The following RPS6KC1 variants were observed in gnomAD, a reference collection of about 807,000 sequenced individuals.
RPS6KC1 encodes inactive ribosomal protein S6 kinase delta-1.
Under a neutral mutation model 103.8 loss-of-function variants are expected in RPS6KC1, and 54 were observed. The ratio of observed to expected loss-of-function variants is 0.52; its 90% CI spans 0.42 to 0.65. RPS6KC1 has a LOEUF of 0.65. Ranked by LOEUF, RPS6KC1 falls within the 30% of genes least tolerant of loss-of-function variation. The pLI, the probability that RPS6KC1 is intolerant of heterozygous loss-of-function variation, is 0.00. For synonymous variants in RPS6KC1, 439 were observed against 438.7 expected (o/e 1.00, Z -0.01); for missense variants, 1,151 against 1,253.8 (o/e 0.92, Z 1.24).
the RPS6KC1 span, among the ~76,000 whole-genome samples, chr1:213,699,449 A>AT: frequency 6.6e-6 from 1 of 152,100 alleles, no homozygotes; most frequent in African/African-American, 2.4e-5. Context: ...TTCTTTATCC[A>AT]TTCATCTGCT....
chr1:213,590,185 C>A, the RPS6KC1 span, among the ~76,000 whole-genome samples: 18 of 152,034 alleles, frequency 1.2e-4, no homozygotes, highest in Non-Finnish European at 2.6e-4. Context: ...GAAGAGCAAT[C>A]TGTTTATGCA....
chr1:213,843,114 T>C, the RPS6KC1 span, among the ~76,000 whole-genome samples: 1 of 152,192 alleles, frequency 6.6e-6, no homozygotes, highest in Non-Finnish European at 1.5e-5. Flanking sequence ...TTGCAGTCTC[T>C]AGACAGAATT....
intron 6 of RPS6KC1, among the ~76,000 whole-genome samples, chr1:213,167,579 A>G (rs770180816): frequency 1.3e-5 from 2 of 152,034 alleles, no homozygotes; most frequent in African/African-American, 2.4e-5. Context: ...AGAGCTTTTT[A>G]CAAATAGACA....
chr1:213,805,577 T>C, the RPS6KC1 span, among the ~76,000 whole-genome samples: 3 of 152,240 alleles, frequency 2.0e-5, no homozygotes, highest in Admixed American at 6.5e-5. Flanking sequence ...ATAATTATTC[T>C]AGTTTTCTTG....
At chr1:213,137,777 C>CTCTCTCTCTCTATATA (rs1387641875) in intron 6 of RPS6KC1, among the ~76,000 whole-genome samples, 1 of 63,590 alleles carries the variant, frequency 1.6e-5, no homozygotes, top group African/African-American at 1.1e-4. Flanking sequence ...CTCTCTCTCT[C>CTCTCTCTCTCTATATA]TATATATATA....
At chr1:213,829,268 CAAAAAAAAAA>C in the RPS6KC1 span, among the ~76,000 whole-genome samples, 4,661 of 114,390 alleles carry the variant, frequency 0.041, 284 homozygotes, top group African/African-American at 0.14. Context: ...TCGTTTGTTT[CAAAAAAAAAA>C]AAAAAAAAAA....
the RPS6KC1 span, among the ~76,000 whole-genome samples, chr1:213,473,267 A>C: frequency 1.3e-5 from 2 of 152,206 alleles, no homozygotes; most frequent in African/African-American, 4.8e-5. Context: ...AGCTGACCTC[A>C]CTGTTCTCTC....
At chr1:213,507,589 T>C in the RPS6KC1 span, among the ~76,000 whole-genome samples, 1 of 150,782 alleles carries the variant, frequency 6.6e-6, no homozygotes, top group African/African-American at 2.4e-5. Context: ...ATGAAACTTA[T>C]CAGGTGCCTG....
the RPS6KC1 span, among the ~76,000 whole-genome samples, chr1:213,681,633 C>T: frequency 3.1e-4 from 47 of 152,034 alleles, 1 homozygote; most frequent in Admixed American, 2.9e-3. Flanking sequence ...CTTGTCTCTA[C>T]AAAAAAGTTA....
chr1:213,240,847 A>G lies in RPS6KC1; in HGVS notation c.1371A>G (p.Glu457=), dbSNP rs1270407804. Residue 457 remains glutamate, a synonymous_variant, in exon 11 of 15, where the codon GAA becomes GAG. Transcript: ENST00000366960. ...GTCCTCAGGACAGCAGTAGCTTTGA[A>G]TCCAGAGGAAGTGATGGTGGAAGCA... The part of the protein sequence containing the change: ...TSSPQDSSSF[E]SRGSDGGSML... The G allele has an allele frequency of 6.2e-7, 1 of 1,613,922 alleles. No homozygotes were observed. The highest frequency in any genetic ancestry group is 1.7e-5 in the Admixed American group (1 of 59,968).
At chr1:213,557,762 A>G in the RPS6KC1 span, among the ~76,000 whole-genome samples, 27 of 152,198 alleles carry the variant, frequency 1.8e-4, no homozygotes, top group South Asian at 8.3e-4. Context: ...TTTAGATGTC[A>G]TTGTTCATGG....
the RPS6KC1 span, among the ~76,000 whole-genome samples, chr1:213,348,928 G>A: frequency 6.6e-6 from 1 of 152,180 alleles, no homozygotes; most frequent in Non-Finnish European, 1.5e-5. Flanking sequence ...TGAATGAATG[G>A]GTGAATGGGT....
At chr1:213,403,356 G>T in the RPS6KC1 span, among the ~76,000 whole-genome samples, 1 of 152,028 alleles carries the variant, frequency 6.6e-6, no homozygotes, top group South Asian at 2.1e-4. Flanking sequence ...TCCCCGAGGG[G>T]TGCCCTCAGG....
intron 12 of RPS6KC1, among the ~76,000 whole-genome samples, chr1:213,258,586 G>A (rs925329862): frequency 5.3e-5 from 8 of 152,136 alleles, no homozygotes; most frequent in Admixed American, 4.6e-4. Context: ...AATATGATGG[G>A]TTGATACCTT....
the RPS6KC1 span, among the ~76,000 whole-genome samples, chr1:213,538,921 A>T: frequency 6.6e-6 from 1 of 152,190 alleles, no homozygotes; most frequent in Non-Finnish European, 1.5e-5. Flanking sequence ...TGACTATTTC[A>T]TCTATACCAC....
chr1:213,683,449 G>T, the RPS6KC1 span, among the ~76,000 whole-genome samples: 1 of 152,238 alleles, frequency 6.6e-6, no homozygotes, highest in East Asian at 1.9e-4. Flanking sequence ...CCTATCTTGA[G>T]GTCCCCAGGC....
chr1:213,546,253 C>T, the RPS6KC1 span: 8 of 152,206 alleles, frequency 5.3e-5, no homozygotes, highest in African/African-American at 9.7e-5. Flanking sequence ...GCAGACATTA[C>T]CTCTCCCTCA....
chr1:213,651,512 G>A, the RPS6KC1 span, among the ~76,000 whole-genome samples: 8 of 152,320 alleles, frequency 5.3e-5, 1 homozygote, highest in East Asian at 1.2e-3. Context: ...GGTGCACGAT[G>A]CCCATGGGTC....
At chr1:213,323,186 C>G in the RPS6KC1 span, among the ~76,000 whole-genome samples, 1 of 151,962 alleles carries the variant, frequency 6.6e-6, no homozygotes, top group African/African-American at 2.4e-5. Context: ...ATATAGAGAC[C>G]CTTCTGATTA....
Sources: gnomAD v4.1 joint callset for allele counts (sites outside exome capture counted in the v4.1 genomes callset) on GRCh38, gnomAD v4.1.1 for gene constraint, MANE v1.5 for transcripts, NCBI Gene and HGNC (gene_info 2026-07-23, HGNC 2026-07-21) for gene names.